The following AGPS variants were observed in gnomAD, a reference collection of about 807,000 sequenced individuals.
The protein encoded by AGPS is alkyldihydroxyacetonephosphate synthase, peroxisomal.
A neutral mutation model predicts 90.7 loss-of-function variants in AGPS; 26 were observed. The ratio of observed to expected loss-of-function variants is 0.29; its 90% confidence interval spans 0.21 to 0.40. AGPS has a LOEUF of 0.40. Among genes scored for constraint, AGPS ranks in the 10% least tolerant of loss-of-function variants. AGPS has a pLI of 1.00. For missense variants in AGPS, 540 were observed against 816.1 expected, an observed-to-expected ratio of 0.66 and a Z score of 4.12; for synonymous variants, 294 against 285.3, an observed-to-expected ratio of 1.03 and a Z score of -0.31.
chr2:177,461,844 A>G, intron 8 of AGPS, 49 bp from the exon 9 acceptor site: 2 of 1,561,704 alleles, frequency 1.3e-6, no homozygotes, highest in South Asian at 1.1e-5. Flanking sequence ...TGAGTGCTGT[A>G]CGTAATGGGA....
intron 1 of AGPS, among the ~76,000 whole-genome samples, chr2:177,420,038 A>G (rs1406359409): frequency 6.6e-6 from 1 of 151,722 alleles, no homozygotes; most frequent in Non-Finnish European, 1.5e-5. Flanking sequence ...TGAATGCATT[A>G]AATTTATTGG....
At chr2:177,497,630 T>C (rs917395413) in intron 12 of AGPS, 59 bp from the exon 13 acceptor site, 7 of 972,208 alleles carry the variant, frequency 7.2e-6, no homozygotes, top group Non-Finnish European at 9.0e-6. Flanking sequence ...TGGAGTAGCT[T>C]CTTGATCTTC....
chr2:177,510,235 T>C (rs774410596), intron 16 of AGPS, among the ~76,000 whole-genome samples: 3 of 152,126 alleles, frequency 2.0e-5, no homozygotes, highest in Non-Finnish European at 2.9e-5. Context: ...GAAGGCCTTC[T>C]TCCTGGTTTT....
intron 9 of AGPS, among the ~76,000 whole-genome samples, chr2:177,465,332 T>G (rs936744474): frequency 1.3e-5 from 1 of 74,162 alleles, no homozygotes. Context: ...ACATATCATT[T>G]TGAACACTTT....
In AGPS at chr2:177,541,008, C is replaced by G. The variant is rs1427677716; in HGVS notation, c.*2813C>G. On this transcript the variant is annotated 3_prime_UTR_variant, in exon 20 of 20. Coordinates refer to ENST00000264167, the MANE Select transcript of AGPS (RefSeq NM_003659.4). ...GAAACCACATGTTTATTGTGCCCAT[C>G]ATTTTACACAAAGAAAAGAGGATTA... The G allele has an allele frequency of 6.6e-6, 1 of 152,086 alleles. No individual in the cohort carries two copies. The highest frequency in any genetic ancestry group is 1.5e-5 in the Non-Finnish European group (1 of 67,974). 9.4% of individuals were successfully genotyped at this position (152,086 alleles called of 1,614,324 possible).
chr2:177,499,091 C>A (rs1418011023), intron 13 of AGPS, among the ~76,000 whole-genome samples: 4 of 151,754 alleles, frequency 2.6e-5, no homozygotes, highest in Non-Finnish European at 4.4e-5. Context: ...GAGCATACGT[C>A]TTACTCATCT....
chr2:177,480,489 A>G (rs1054729303), intron 10 of AGPS, among the ~76,000 whole-genome samples: 3 of 152,228 alleles, frequency 2.0e-5, no homozygotes, highest in Non-Finnish European at 2.9e-5. Flanking sequence ...AAAAAAGCCA[A>G]ACACCACATG....
At chr2:177,407,401 G>A (rs147530861) in intron 1 of AGPS, among the ~76,000 whole-genome samples, 173 of 152,292 alleles carry the variant, frequency 1.1e-3, no homozygotes, top group African/African-American at 3.9e-3. Flanking sequence ...AGGCTGTTCA[G>A]AAAACATAAC....
chr2:177,438,995 C>CACACACAT (rs1426837227), intron 5 of AGPS, among the ~76,000 whole-genome samples: 1 of 151,878 alleles, frequency 6.6e-6, no homozygotes, highest in East Asian at 1.9e-4. Flanking sequence ...CACACACACA[C>CACACACAT]ACACACACAA....
intron 12 of AGPS, among the ~76,000 whole-genome samples, chr2:177,496,168 G>T (rs967521748): frequency 2.0e-5 from 3 of 151,970 alleles, no homozygotes; most frequent in African/African-American, 7.3e-5. Context: ...TATAAATCTC[G>T]ATGAGTTAAG....
At chr2:177,470,403 A>C (rs1269593780) in intron 10 of AGPS, among the ~76,000 whole-genome samples, 3 of 152,314 alleles carry the variant, frequency 2.0e-5, no homozygotes, top group Non-Finnish European at 2.9e-5. Flanking sequence ...TAAAGTAAGC[A>C]AAGAACTATA....
chr2:177,524,234 A>G (rs932373906), intron 19 of AGPS, among the ~76,000 whole-genome samples: 1 of 152,246 alleles, frequency 6.6e-6, no homozygotes, highest in African/African-American at 2.4e-5. Context: ...AAAGCTCAGC[A>G]AATTAATCAA....
intron 1 of AGPS, among the ~76,000 whole-genome samples, chr2:177,418,972 A>C (rs987140937): frequency 3.9e-5 from 6 of 152,000 alleles, no homozygotes; most frequent in African/African-American, 1.4e-4. Context: ...CTAATCTACA[A>C]ATCCAGTCTC....
chr2:177,465,465 C>G (rs1201964618), intron 9 of AGPS, among the ~76,000 whole-genome samples: 2 of 152,222 alleles, frequency 1.3e-5, no homozygotes, highest in Admixed American at 1.3e-4. Flanking sequence ...TTGTTCAGCC[C>G]ACTCGGCCTG....
rs1352173163 is a variant in AGPS at position 177,523,729 on chromosome 2, G to A, written c.1798-19G>A. The stretch of plus-strand genomic sequence containing the variant: ...GAAATCTAACTAGCAACAATTTGTT[G>A]TGTTGTTTCCAAATACAGGCAGCTG... On this transcript the variant is annotated intron_variant, in intron 18 of 19. Transcript: ENST00000264167. 2 of 1,611,620 alleles carry A rather than the reference G, an allele frequency of 1.2e-6. No homozygotes were observed. The highest frequency in any genetic ancestry group is 1.7e-5 in the Admixed American group (1 of 59,998).
chr2:177,486,029 C>A (rs1344413438), intron 11 of AGPS, among the ~76,000 whole-genome samples: 1 of 152,178 alleles, frequency 6.6e-6, no homozygotes, highest in Non-Finnish European at 1.5e-5. Context: ...AAGAAAGGTC[C>A]TTTCTAGTCT....
chr2:177,493,529 CTCT>C lies in AGPS; in HGVS notation c.1285+340_1285+342del, dbSNP rs144471142. Among the ~76,000 whole-genome samples the C allele has an allele frequency of 4.1e-3, 623 of 152,258 alleles. 5 individuals carry two copies. The highest frequency in any genetic ancestry group is 0.032 in the East Asian group (167 of 5,180). On this transcript the variant is annotated intron_variant, in intron 12 of 19. Transcript: ENST00000264167. The stretch of plus-strand genomic sequence containing the variant: ...GGTGAATATAAGTTTGCCTAGATGT[CTCT>C]TCTTCTTCTCAACCAGACTTCTTCA...
intron 5 of AGPS, among the ~76,000 whole-genome samples, chr2:177,440,041 G>A (rs78365464): frequency 6.6e-6 from 1 of 152,048 alleles, no homozygotes; most frequent in Non-Finnish European, 1.5e-5. Context: ...GTAAACATTT[G>A]TTTAAACAAT....
intron 19 of AGPS, among the ~76,000 whole-genome samples, chr2:177,526,539 T>C (rs529841840): frequency 3.0e-4 from 45 of 152,220 alleles, no homozygotes; most frequent in Non-Finnish European, 5.7e-4. Flanking sequence ...TACCTTTTAA[T>C]GTTGTATAAT....
Sources: allele counts gnomAD v4.1 joint callset (sites outside exome capture counted in the v4.1 genomes callset), GRCh38; gene constraint gnomAD v4.1.1; transcripts MANE v1.5; gene names NCBI Gene and HGNC (gene_info 2026-07-23, HGNC 2026-07-21).